ACSL3: variants seen among roughly 807,000 people sequenced by gnomAD.
ACSL3 encodes the protein fatty acid CoA ligase Acsl3.
In ACSL3, 34 loss-of-function variants were observed where a neutral mutation model predicts 84.7. That is an observed-to-expected ratio of 0.40 (90% CI 0.31 to 0.53). ACSL3 has a LOEUF of 0.53. Among genes scored for constraint, ACSL3 ranks in the 20% least tolerant of loss-of-function variants. The pLI is 0.48. For missense variants in ACSL3, 680 were observed against 873.1 expected, an observed-to-expected ratio of 0.78 and a Z score of 2.79; for synonymous variants, 315 against 299.4, an observed-to-expected ratio of 1.05 and a Z score of -0.54.
chr2:222,869,935 C>G (rs998010416), intron 1 of ACSL3, among the ~76,000 whole-genome samples: 2 of 152,090 alleles, frequency 1.3e-5, no homozygotes, highest in African/African-American at 4.8e-5. Flanking sequence ...TGAATTAAAC[C>G]TTCTAGGAAT....
At chr2:222,920,999 C>A in intron 7 of ACSL3, 1 of 541,918 alleles carries the variant, frequency 1.8e-6, no homozygotes. Context: ...GAGACGGTCT[C>A]CAGGCTTTTC....
At chr2:222,876,943 A>G (rs1356346941) in intron 1 of ACSL3, among the ~76,000 whole-genome samples, 1 of 152,198 alleles carries the variant, frequency 6.6e-6, no homozygotes, top group Non-Finnish European at 1.5e-5. Flanking sequence ...AAATAGATGG[A>G]GAGAGTTCAT....
In ACSL3 at chr2:222,943,603, C is replaced by A. The variant is rs1054800072; in HGVS notation, c.*1949C>A. ...GGCAGGCTTAAACTCTATTTAGTTTCGTTTGTTTTCTCATATGAAGTTTAT... is the reference window on the plus strand; with the variant it reads ...GGCAGGCTTAAACTCTATTTAGTTTAGTTTGTTTTCTCATATGAAGTTTAT... On this transcript the variant is annotated 3_prime_UTR_variant, in exon 17 of 17. Transcript: ENST00000357430. 4 of 153,382 alleles carry A rather than the reference C, an allele frequency of 2.6e-5. No individual in the cohort carries two copies. In the South Asian group the frequency reaches 8.3e-4, roughly 32 times the overall value. The allele number at this position is 153,382 out of a possible 1,614,324, so 9.5% of individuals were successfully genotyped here.
chr2:222,877,667 C>T (rs930575252), intron 1 of ACSL3, among the ~76,000 whole-genome samples: 12 of 152,130 alleles, frequency 7.9e-5, no homozygotes, highest in African/African-American at 2.9e-4. Context: ...GTAAAACTGG[C>T]ATATGTAATG....
chr2:222,868,441 T>A (rs1419812054), intron 1 of ACSL3, among the ~76,000 whole-genome samples: 2 of 152,228 alleles, frequency 1.3e-5, no homozygotes, highest in Non-Finnish European at 2.9e-5. Flanking sequence ...TTATTAGTTT[T>A]ATTTTTTGTT....
At chr2:222,910,342 G>A (rs1468703098) in intron 4 of ACSL3, among the ~76,000 whole-genome samples, 2 of 152,178 alleles carry the variant, frequency 1.3e-5, no homozygotes, top group African/African-American at 2.4e-5. Context: ...GTGAAGTGAT[G>A]TGTAGTTGGT....
intron 12 of ACSL3, among the ~76,000 whole-genome samples, 171 bp from the exon 13 acceptor site, chr2:222,928,691 C>T (rs931489378): frequency 1.3e-5 from 2 of 150,530 alleles, no homozygotes; most frequent in Admixed American, 6.6e-5. Flanking sequence ...CCAAAAAATA[C>T]GACTCTACAG....
At chr2:222,938,323 A>G (rs1437726266) in intron 16 of ACSL3, among the ~76,000 whole-genome samples, 2 of 152,082 alleles carry the variant, frequency 1.3e-5, no homozygotes, top group African/African-American at 2.4e-5. Context: ...AAGTACTCCT[A>G]TCATTATTTT....
At chr2:222,861,897 G>A (rs1282953656) in intron 1 of ACSL3, among the ~76,000 whole-genome samples, 1 of 152,066 alleles carries the variant, frequency 6.6e-6, no homozygotes, top group African/African-American at 2.4e-5. Flanking sequence ...GGTAACTCGG[G>A]GACTGCTTAC....
At chr2:222,881,673 C>A (rs1373327966) in intron 1 of ACSL3, among the ~76,000 whole-genome samples, 1 of 152,144 alleles carries the variant, frequency 6.6e-6, no homozygotes, top group African/African-American at 2.4e-5. Flanking sequence ...TGCGCCACCA[C>A]CCCTAGCTAA....
chr2:222,889,952 G>A (rs1205036131), intron 2 of ACSL3, among the ~76,000 whole-genome samples: 1 of 152,118 alleles, frequency 6.6e-6, no homozygotes, highest in Non-Finnish European at 1.5e-5. Flanking sequence ...AAATAATTGG[G>A]AATTTGTAGG....
chr2:222,921,545 G>A (rs80245918), intron 8 of ACSL3, 115 bp downstream of exon 8: 92,156 of 1,026,904 alleles, frequency 0.09, 4,658 homozygotes, highest in Middle Eastern at 0.13. Flanking sequence ...TCTGTTTGTA[G>A]TAGGCATTTC....
Position 222,941,821 on chromosome 2 carries a change from C to A in ACSL3, c.*167C>A. Reference sequence around the variant, plus strand: ...CAGGATTAGTAAAACATTAAGACAGCAAACTTGTGTCTGTCTCTTCTTTCA... The same window carrying A: ...CAGGATTAGTAAAACATTAAGACAGAAAACTTGTGTCTGTCTCTTCTTTCA... On this transcript the variant is annotated 3_prime_UTR_variant, in exon 17 of 17. Coordinates refer to ENST00000357430, the MANE Select transcript of ACSL3 (RefSeq NM_004457.5). The A allele has an allele frequency of 3.1e-6, 2 of 653,724 alleles. No individual in the cohort carries two copies. Among genetic ancestry groups the A allele is most frequent in the East Asian group, 3.1e-5 (1 of 31,876 alleles). The allele number at this position is 653,724 out of a possible 1,614,324, so 40.5% of individuals were successfully genotyped here.
chr2:222,901,084 C>G (rs562626561), intron 3 of ACSL3, among the ~76,000 whole-genome samples: 1 of 152,342 alleles, frequency 6.6e-6, no homozygotes, highest in East Asian at 1.9e-4. Context: ...CACTTGTCCT[C>G]AGCCTTTTAA....
chr2:222,893,429 ACTC>A (rs1283497679), intron 2 of ACSL3, among the ~76,000 whole-genome samples: 1 of 151,700 alleles, frequency 6.6e-6, no homozygotes, highest in African/African-American at 2.4e-5. Context: ...TCTGAGAGTG[ACTC>A]CTGTTTTCTT....
intron 16 of ACSL3, among the ~76,000 whole-genome samples, chr2:222,938,907 A>T (rs1697237051): frequency 6.6e-6 from 1 of 152,002 alleles, no homozygotes; most frequent in African/African-American, 2.4e-5. Context: ...TCCTCTAGTG[A>T]ATTTTTCAAT....
chr2:222,863,873 G>A (rs539868012), intron 1 of ACSL3, among the ~76,000 whole-genome samples: 3 of 152,122 alleles, frequency 2.0e-5, no homozygotes, highest in East Asian at 1.9e-4. Flanking sequence ...GCAAAACACC[G>A]TCCTAGGGGT....
chr2:222,929,228 G>A (rs1039495104), intron 13 of ACSL3, among the ~76,000 whole-genome samples: 8 of 152,114 alleles, frequency 5.3e-5, no homozygotes, highest in Admixed American at 2.0e-4. Context: ...AATTAGGAGT[G>A]ATCATAACTT....
intron 10 of ACSL3, 105 bp from the exon 11 acceptor site, chr2:222,924,351 C>T: frequency 9.3e-7 from 1 of 1,075,754 alleles, no homozygotes; most frequent in African/African-American, 1.7e-5. Flanking sequence ...AAGAGTACTT[C>T]TTTTAAAATG....
Sources: allele counts gnomAD v4.1 joint callset (sites outside exome capture counted in the v4.1 genomes callset), GRCh38; gene constraint gnomAD v4.1.1; transcripts MANE v1.5; gene names NCBI Gene and HGNC (gene_info 2026-07-23, HGNC 2026-07-21).